Variants in PAPPA2 observed in about 807,000 individuals in gnomAD.
The protein encoded by PAPPA2 is pappalysin 2, also known as pappalysin-2.
In PAPPA2, 86 loss-of-function variants were observed where a neutral mutation model predicts 176.4. The observed-to-expected ratio is 0.49, with a 90% CI of 0.41 to 0.58. The LOEUF (loss-of-function observed/expected upper bound fraction) is 0.58. PAPPA2 is among the 20% of genes least tolerant of loss of function. PAPPA2 has a pLI of 0.00. For synonymous variants in PAPPA2, 809 were observed against 852.2 expected (o/e 0.95, Z 0.88); for missense variants, 2,073 against 2,256.9 (o/e 0.92, Z 1.65).
chr1:176,651,963 C>A (rs1657749654), intron 3 of PAPPA2, among the ~76,000 whole-genome samples: 1 of 151,418 alleles, frequency 6.6e-6, no homozygotes, highest in Non-Finnish European at 1.5e-5. Context: ...AAATGTATTT[C>A]TCAGTTCCAA....
intron 1 of PAPPA2, among the ~76,000 whole-genome samples, chr1:176,503,064 G>A (rs1168204569): frequency 1.3e-5 from 2 of 152,104 alleles, no homozygotes; most frequent in Admixed American, 6.6e-5. Flanking sequence ...GTTTGGGGTA[G>A]GTCTCACTTT....
At chr1:176,677,797 C>A (rs1264926654) in intron 4 of PAPPA2, among the ~76,000 whole-genome samples, 1 of 152,036 alleles carries the variant, frequency 6.6e-6, no homozygotes, top group Admixed American at 6.6e-5. Context: ...CATTGGATAC[C>A]ATACTCATTG....
At chr1:176,567,703 A>G (rs1012753972) in intron 2 of PAPPA2, among the ~76,000 whole-genome samples, 3 of 150,806 alleles carry the variant, frequency 2.0e-5, no homozygotes, top group Non-Finnish European at 4.4e-5. Context: ...TTTAATAACA[A>G]ATTATATGTG....
In PAPPA2 at chr1:176,805,991, CAAAAAAAA is replaced by C. The variant is rs11439850; in HGVS notation, c.5202+5875_5202+5882del. Among the ~76,000 whole-genome samples, 6 of 76,602 alleles carry C rather than the reference CAAAAAAAA, an allele frequency of 7.8e-5. No homozygotes were observed. In the East Asian group the frequency reaches 2.5e-3, roughly 32 times the overall value. The allele number at this position is 76,602 out of a possible 152,430, so 50.3% of individuals were successfully genotyped here. A position where few individuals can be genotyped will look rare whatever the true frequency, so the allele number is the denominator to read the frequency against. On this transcript the variant is annotated intron_variant, in intron 21 of 22. Coordinates refer to ENST00000367662, the MANE Select transcript of PAPPA2 (RefSeq NM_020318.3). ...TGCCAGAGCAAAACCCTGTCTCTCT[CAAAAAAAA>C]AAAAAAAAAAAAAAAGGAAGCAATT...
At chr1:176,673,629 G>A (rs1218615479) in intron 4 of PAPPA2, among the ~76,000 whole-genome samples, 2 of 152,050 alleles carry the variant, frequency 1.3e-5, no homozygotes, top group South Asian at 2.1e-4. Context: ...TTGGGCTGGG[G>A]CATACTATTG....
At chr1:176,622,198 G>T (rs1177080745) in intron 3 of PAPPA2, among the ~76,000 whole-genome samples, 1 of 152,174 alleles carries the variant, frequency 6.6e-6, no homozygotes, top group Non-Finnish European at 1.5e-5. Context: ...GGAAAGAGAA[G>T]TGTACCAGTT....
At chr1:176,764,586 C>T (rs1663849759) in intron 14 of PAPPA2, among the ~76,000 whole-genome samples, 1 of 151,872 alleles carries the variant, frequency 6.6e-6, no homozygotes, top group Non-Finnish European at 1.5e-5. Flanking sequence ...TCATTTTGCT[C>T]CAGTGTATTC....
intron 3 of PAPPA2, among the ~76,000 whole-genome samples, chr1:176,597,460 A>G (rs1309695537): frequency 6.6e-6 from 1 of 152,164 alleles, no homozygotes; most frequent in Non-Finnish European, 1.5e-5. Flanking sequence ...AACTACTTGT[A>G]TAAGAAAATT....
At chr1:176,629,352 T>G (rs1318365897) in intron 3 of PAPPA2, among the ~76,000 whole-genome samples, 1 of 152,190 alleles carries the variant, frequency 6.6e-6, no homozygotes, top group East Asian at 1.9e-4. Context: ...ACCACAGTGA[T>G]GATGGAAAAT....
intron 17 of PAPPA2, among the ~76,000 whole-genome samples, chr1:176,774,941 G>A (rs1227470716): frequency 6.6e-5 from 10 of 152,128 alleles, no homozygotes; most frequent in African/African-American, 2.2e-4. Context: ...CGTGGAAGCC[G>A]TGGCAGTTAG....
intron 3 of PAPPA2, among the ~76,000 whole-genome samples, chr1:176,636,825 G>T (rs1207445980): frequency 2.0e-5 from 3 of 152,050 alleles, no homozygotes; most frequent in Non-Finnish European, 4.4e-5. Flanking sequence ...ATTGAGTGTT[G>T]TTTTTAAGAA....
chr1:176,573,547 T>G (rs1392320423), intron 2 of PAPPA2, among the ~76,000 whole-genome samples: 1 of 152,160 alleles, frequency 6.6e-6, no homozygotes, highest in Admixed American at 6.5e-5. Context: ...TCCAAAAAAA[T>G]CACGTGTTTA....
intron 1 of PAPPA2, among the ~76,000 whole-genome samples, chr1:176,498,728 C>A (rs1298306000): frequency 1.4e-5 from 2 of 146,452 alleles, no homozygotes; most frequent in African/African-American, 5.2e-5. Flanking sequence ...CCAGCCTGGG[C>A]GACAGAGCGA....
chr1:176,615,369 GGC>G (rs902724276), intron 3 of PAPPA2, among the ~76,000 whole-genome samples: 2 of 152,220 alleles, frequency 1.3e-5, no homozygotes, highest in African/African-American at 4.8e-5. Context: ...GGAGTGCAGT[GGC>G]GCCATCTCGG....
At chr1:176,535,603 G>A (rs527265958) in intron 1 of PAPPA2, among the ~76,000 whole-genome samples, 31 of 152,300 alleles carry the variant, frequency 2.0e-4, no homozygotes, top group Non-Finnish European at 3.7e-4. Context: ...AGAGCACCAG[G>A]CCAGAGGAAG....
In PAPPA2 at chr1:176,842,513, C is replaced by T. The variant is rs930440512; in HGVS notation, c.*59C>T. ...GAGGCAGTAAGAAAGAGAGGCCGAC[C>T]CAGGAGGAAACAAAGGGTGAATGAA... On this transcript the variant is annotated 3_prime_UTR_variant, in exon 23 of 23. Transcript: ENST00000367662. 1.3e-5 allele frequency: 19 copies of T among 1,455,796 alleles called. No homozygotes were observed. Among genetic ancestry groups the T allele is most frequent in the Admixed American group, 1.7e-5 (1 of 57,654 alleles). 90.2% of individuals were successfully genotyped at this position (1,455,796 alleles called of 1,614,324 possible).
intron 21 of PAPPA2, among the ~76,000 whole-genome samples, chr1:176,830,596 A>T (rs944843225): frequency 6.6e-6 from 1 of 152,222 alleles, no homozygotes; most frequent in African/African-American, 2.4e-5. Flanking sequence ...TAAACAAATG[A>T]TTGTTAATCC....
rs1460884980 is a variant in PAPPA2 at position 176,805,718 on chromosome 1, CAATCCTGT to C, written c.5202+5592_5202+5599del. ...AGAATCAAGGCCAGGCACAGTGGCTCAATCCTGTAATCCCAACACTTTGAGAGGCTAAA... is the reference window on the plus strand; with the variant it reads ...AGAATCAAGGCCAGGCACAGTGGCTCAATCCCAACACTTTGAGAGGCTAAA... On this transcript the variant is annotated intron_variant, in intron 21 of 22. Transcript: ENST00000367662. Among the ~76,000 whole-genome samples the C allele has an allele frequency of 2.0e-5, 3 of 152,082 alleles. No individual in the cohort carries two copies. The East Asian group carries it at 5.8e-4, about 29-fold the overall frequency.
At chr1:176,615,915 C>G (rs954560892) in intron 3 of PAPPA2, among the ~76,000 whole-genome samples, 1 of 152,162 alleles carries the variant, frequency 6.6e-6, no homozygotes, top group African/African-American at 2.4e-5. Flanking sequence ...GGTGTTTTGG[C>G]ACCTAATCTT....
Sources: gnomAD v4.1 joint callset for allele counts (sites outside exome capture counted in the v4.1 genomes callset) on GRCh38, gnomAD v4.1.1 for gene constraint, MANE v1.5 for transcripts, NCBI Gene and HGNC (gene_info 2026-07-23, HGNC 2026-07-21) for gene names.